Variants in LRMDA observed in about 807,000 individuals in gnomAD.
LRMDA encodes the protein leucine rich melanocyte differentiation associated.
In LRMDA, 18 loss-of-function variants were observed where a neutral mutation model predicts 29.8. The ratio of observed to expected loss-of-function variants is 0.60; its 90% CI spans 0.42 to 0.90. The LOEUF is 0.90. Among genes scored for constraint, LRMDA ranks in the 40% least tolerant of loss-of-function variants. The pLI, the probability that LRMDA is intolerant of heterozygous loss-of-function variation, is 0.00. For synonymous variants in LRMDA, 125 were observed against 109.4 expected (o/e 1.14, Z -0.89); for missense variants, 273 against 273.9 (o/e 1.00, Z 0.02).
chr10:76,143,104 A>C (rs1850237454), intron 5 of LRMDA, among the ~76,000 whole-genome samples: 1 of 152,084 alleles, frequency 6.6e-6, no homozygotes, highest in Admixed American at 6.5e-5. Context: ...TTGGACATTT[A>C]GGTTGGTTCC....
chr10:76,393,262 G>GT (rs1184694273), intron 6 of LRMDA, among the ~76,000 whole-genome samples: 2 of 152,048 alleles, frequency 1.3e-5, no homozygotes, highest in African/African-American at 4.8e-5. Context: ...TCTCCATACT[G>GT]TTTTTTAACT....
At chr10:76,031,827 G>T (rs1474430665) in intron 2 of LRMDA, among the ~76,000 whole-genome samples, 3 of 152,196 alleles carry the variant, frequency 2.0e-5, no homozygotes, top group Non-Finnish European at 4.4e-5. Flanking sequence ...CCCAGCCTTT[G>T]CTCCTGGATT....
intron 2 of LRMDA, among the ~76,000 whole-genome samples, chr10:75,881,143 G>A (rs1482928975): frequency 5.9e-5 from 9 of 152,112 alleles, no homozygotes; most frequent in Non-Finnish European, 1.5e-5. Flanking sequence ...TCATGGAGAG[G>A]AAGTGGTCAG....
intron 5 of LRMDA, among the ~76,000 whole-genome samples, chr10:76,086,418 CT>C (rs1387718491): frequency 0.25 from 29 of 114 alleles, no homozygotes; most frequent in African/African-American, 0.36. Context: ...CTGTTTATTT[CT>C]TCAAACAAGC....
intron 6 of LRMDA, among the ~76,000 whole-genome samples, chr10:76,348,043 G>A (rs1464573422): frequency 6.6e-6 from 1 of 152,160 alleles, no homozygotes; most frequent in African/African-American, 2.4e-5. Context: ...CTAGGATAGA[G>A]CAGGAGATTT....
chr10:76,173,050 TAAG>T (rs984167593), intron 5 of LRMDA, among the ~76,000 whole-genome samples: 7 of 128,242 alleles, frequency 5.5e-5, no homozygotes, highest in African/African-American at 2.4e-4. Flanking sequence ...ATGAAAGTGT[TAAG>T]AAGATAAAAA....
chr10:75,459,293 A>T (rs1201447047), intron 2 of LRMDA, among the ~76,000 whole-genome samples: 3 of 152,160 alleles, frequency 2.0e-5, no homozygotes, highest in African/African-American at 7.2e-5. Flanking sequence ...AAAATTAGCC[A>T]GGCATGGTGG....
intron 2 of LRMDA, among the ~76,000 whole-genome samples, chr10:75,463,087 T>A (rs1334547290): frequency 6.6e-6 from 1 of 152,194 alleles, no homozygotes; most frequent in Non-Finnish European, 1.5e-5. Context: ...GCAGCGGATC[T>A]GAGGGTGGAG....
At chr10:76,257,047 C>T (rs1474480702) in intron 5 of LRMDA, among the ~76,000 whole-genome samples, 1 of 152,006 alleles carries the variant, frequency 6.6e-6, no homozygotes, top group Non-Finnish European at 1.5e-5. Flanking sequence ...ATATTTAAAA[C>T]AATAAAATAA....
chr10:76,023,752 C>T (rs781161033), intron 2 of LRMDA, among the ~76,000 whole-genome samples: 6 of 152,218 alleles, frequency 3.9e-5, no homozygotes, highest in African/African-American at 7.2e-5. Flanking sequence ...CTGTCATCTC[C>T]CCATGCATTC....
At chr10:76,103,338 T>G (rs1279668267) in intron 5 of LRMDA, among the ~76,000 whole-genome samples, 1 of 152,106 alleles carries the variant, frequency 6.6e-6, no homozygotes, top group Non-Finnish European at 1.5e-5. Flanking sequence ...AAGTCATGAG[T>G]TTTGCATGAC....
intron 5 of LRMDA, among the ~76,000 whole-genome samples, chr10:76,066,426 A>G (rs1381455500): frequency 6.6e-6 from 1 of 152,210 alleles, no homozygotes; most frequent in Non-Finnish European, 1.5e-5. Context: ...TAAATTATAT[A>G]CATAACCTAA....
At chr10:76,232,540 C>G (rs1028191161) in intron 5 of LRMDA, among the ~76,000 whole-genome samples, 1 of 152,150 alleles carries the variant, frequency 6.6e-6, no homozygotes, top group South Asian at 2.1e-4. Flanking sequence ...TAGACTGATG[C>G]AGGATTTTCT....
intron 2 of LRMDA, among the ~76,000 whole-genome samples, chr10:75,983,880 C>T (rs7079035): frequency 0.07 from 10,601 of 152,218 alleles, 1,153 homozygotes; most frequent in African/African-American, 0.23. Flanking sequence ...GTCTCAAACT[C>T]CTGACCTCAA....
chr10:75,448,490 A>C lies in LRMDA; in HGVS notation c.131+9996A>C, dbSNP rs543911040. On this transcript the variant is annotated intron_variant, in intron 2 of 6. Coordinates refer to ENST00000611255, the MANE Select transcript of LRMDA (RefSeq NM_001305581.2). Reference sequence around the variant, plus strand: ...TTGGGGGTGTTAGGAAGGAGACTGGAGAATTTAACCCTTTCAGACTTTCTA... The same window carrying C: ...TTGGGGGTGTTAGGAAGGAGACTGGCGAATTTAACCCTTTCAGACTTTCTA... Among the ~76,000 whole-genome samples, 56 of 152,302 alleles carry C rather than the reference A, an allele frequency of 3.7e-4. No individual in the cohort carries two copies. The Middle Eastern group carries it at 0.01, about 28-fold the overall frequency.
intron 2 of LRMDA, among the ~76,000 whole-genome samples, chr10:75,915,878 G>T (rs908617900): frequency 2.0e-5 from 3 of 152,178 alleles, no homozygotes; most frequent in African/African-American, 7.2e-5. Context: ...ATTGGCCACC[G>T]TTCCTGTGGA....
At chr10:75,918,338 G>A (rs1298964881) in intron 2 of LRMDA, among the ~76,000 whole-genome samples, 1 of 152,146 alleles carries the variant, frequency 6.6e-6, no homozygotes, top group Non-Finnish European at 1.5e-5. Flanking sequence ...TCTACAGGCT[G>A]TACAGGAAGC....
At chr10:75,982,825 A>G (rs961664015) in intron 2 of LRMDA, among the ~76,000 whole-genome samples, 1 of 152,172 alleles carries the variant, frequency 6.6e-6, no homozygotes, top group African/African-American at 2.4e-5. Flanking sequence ...GCTTAATTCT[A>G]GCAGCTTCTA....
rs551946164 is a variant in LRMDA at position 76,354,184 on chromosome 10, A to C, written c.601+29699A>C. Among the ~76,000 whole-genome samples the C allele has an allele frequency of 2.7e-4, 41 of 152,192 alleles. 1 individual carries two copies. The South Asian group carries it at 3.1e-3, about 12-fold the overall frequency. ...ATGGCTCAGGGTATAATATTAAAGG[A>C]CTTCCACACTTGGGCTAGGTCTCTG... On this transcript the variant is annotated intron_variant, in intron 6 of 6. Transcript: ENST00000611255.
Sources: allele counts gnomAD v4.1 joint callset (sites outside exome capture counted in the v4.1 genomes callset), GRCh38; gene constraint gnomAD v4.1.1; transcripts MANE v1.5; gene names NCBI Gene and HGNC (gene_info 2026-07-23, HGNC 2026-07-21).